The following RNF220 variants were observed in gnomAD, a reference collection of about 807,000 sequenced individuals.
RNF220 encodes E3 ubiquitin-protein ligase RNF220.
RNF220 carries 7 observed loss-of-function variants against 67.1 expected under a neutral mutation model. The ratio of observed to expected loss-of-function variants is 0.10; its 90% CI spans 0.06 to 0.20. RNF220 has a LOEUF of 0.20. RNF220 is among the 10% of genes least tolerant of loss of function. The pLI is 1.00. For synonymous variants in RNF220, 270 were observed against 283.2 expected (o/e 0.95, Z 0.47); for missense variants, 565 against 740.3 (o/e 0.76, Z 2.75).
intron 2 of RNF220, among the ~76,000 whole-genome samples, chr1:44,486,132 GA>G (rs1451986652): frequency 2.0e-5 from 3 of 152,086 alleles, no homozygotes; most frequent in African/African-American, 7.2e-5. Flanking sequence ...CAGTCTCCCA[GA>G]CCGTCTTCCT....
intron 2 of RNF220, among the ~76,000 whole-genome samples, chr1:44,469,781 C>T (rs998197162): frequency 3.8e-4 from 58 of 152,092 alleles, no homozygotes; most frequent in African/African-American, 1.4e-3. Flanking sequence ...GGCGTTTAGG[C>T]AACAGAGAGG....
chr1:44,537,238 A>G (rs757027970), intron 2 of RNF220, among the ~76,000 whole-genome samples: 9 of 152,130 alleles, frequency 5.9e-5, no homozygotes, highest in Non-Finnish European at 1.3e-4. Context: ...TCAGACCTCT[A>G]AACTTGATAG....
rs1557467419 is a variant in RNF220, at chr1:44,636,421, TGATGCA to T, written c.1126+260_1126+265del. 3 of 719,442 alleles carry T rather than the reference TGATGCA, an allele frequency of 4.2e-6. No homozygotes were observed. In the African/African-American group the frequency reaches 5.2e-5, roughly 13 times the overall value. 44.6% of individuals were successfully genotyped at this position (719,442 alleles called of 1,614,324 possible). ...ACGAAGGGGGGCTCTCAGCTTCGGG[TGATGCA>T]TTGAAGGTGACAGCCAAGCCGCGTT... On this transcript the variant is annotated intron_variant, in intron 8 of 14. Coordinates refer to ENST00000361799, the MANE Select transcript of RNF220 (RefSeq NM_018150.4).
chr1:44,482,571 A>T (rs1001788501), intron 2 of RNF220, among the ~76,000 whole-genome samples: 1 of 152,120 alleles, frequency 6.6e-6, no homozygotes, highest in Admixed American at 6.6e-5. Flanking sequence ...GTTCTAGGGG[A>T]TCTGAAATAG....
chr1:44,597,081 A>G (rs1209660861), intron 2 of RNF220, among the ~76,000 whole-genome samples: 1 of 152,176 alleles, frequency 6.6e-6, no homozygotes, highest in Non-Finnish European at 1.5e-5. Context: ...TTCCTGACCC[A>G]CATGCCAGAT....
intron 5 of RNF220, among the ~76,000 whole-genome samples, chr1:44,629,922 G>A (rs1333864133): frequency 6.6e-6 from 1 of 152,196 alleles, no homozygotes; most frequent in African/African-American, 2.4e-5. Context: ...GTTTGCTTTT[G>A]TTAGAAAGTA....
intron 2 of RNF220, among the ~76,000 whole-genome samples, chr1:44,574,379 T>C (rs1191332870): frequency 6.6e-6 from 1 of 152,176 alleles, no homozygotes; most frequent in Non-Finnish European, 1.5e-5. Flanking sequence ...TTTCTTACCA[T>C]TGAGAAAGTC....
chr1:44,511,906 C>CGTGTGTGCGTGTGT (rs1553234619), intron 2 of RNF220, among the ~76,000 whole-genome samples: 3 of 80,022 alleles, frequency 3.7e-5, no homozygotes, highest in African/African-American at 1.5e-4. Flanking sequence ...AATTGAGAAG[C>CGTGTGTGCGTGTGT]GTGTGTGTGC....
chr1:44,428,938 C>A (rs1007446862), intron 2 of RNF220, among the ~76,000 whole-genome samples: 27 of 151,916 alleles, frequency 1.8e-4, no homozygotes, highest in African/African-American at 6.3e-4. Flanking sequence ...ACCCTCCAAC[C>A]CACTCCTGCC....
chr1:44,459,669 C>T (rs766900572), intron 2 of RNF220, among the ~76,000 whole-genome samples: 6 of 152,152 alleles, frequency 3.9e-5, no homozygotes, highest in Non-Finnish European at 7.3e-5. Flanking sequence ...AGAGCAAGAG[C>T]TGGACTGAGA....
intron 2 of RNF220, among the ~76,000 whole-genome samples, chr1:44,557,228 CTGTT>C (rs1245802883): frequency 4.1e-5 from 6 of 145,756 alleles, no homozygotes; most frequent in African/African-American, 1.0e-4. Context: ...TTGATAGAAA[CTGTT>C]TGTGTTGGCT....
chr1:44,509,884 CCAAA>C (rs1182575377), intron 2 of RNF220, among the ~76,000 whole-genome samples: 11 of 80,402 alleles, frequency 1.4e-4, no homozygotes, highest in African/African-American at 4.2e-4. Context: ...GAGACCCTGT[CCAAA>C]AAAAAAAAAA....
At chr1:44,562,378 G>A (rs1663641973) in intron 2 of RNF220, among the ~76,000 whole-genome samples, 1 of 152,202 alleles carries the variant, frequency 6.6e-6, no homozygotes, top group South Asian at 2.1e-4. Context: ...GGGCCCGCTT[G>A]TGATGCTGAG....
chr1:44,543,912 G>T (rs112116184), intron 2 of RNF220, among the ~76,000 whole-genome samples: 1,541 of 152,290 alleles, frequency 0.01, 26 homozygotes, highest in African/African-American at 0.034. Flanking sequence ...CTGGGCAGTG[G>T]CGAGTGGTGG....
intron 2 of RNF220, among the ~76,000 whole-genome samples, chr1:44,459,430 T>C (rs946933786): frequency 4.6e-5 from 7 of 152,058 alleles, no homozygotes; most frequent in Non-Finnish European, 8.8e-5. Context: ...TACACACTTG[T>C]CCTCACACAG....
chr1:44,556,603 A>C (rs59301748), intron 2 of RNF220, among the ~76,000 whole-genome samples: 2,965 of 147,780 alleles, frequency 0.02, 139 homozygotes, highest in African/African-American at 0.073. Context: ...TCTGTCACCC[A>C]GGCTGGAGTG....
At chr1:44,534,374 G>T (rs1377593387) in intron 2 of RNF220, among the ~76,000 whole-genome samples, 1 of 151,796 alleles carries the variant, frequency 6.6e-6, no homozygotes, top group Non-Finnish European at 1.5e-5. Flanking sequence ...CGCACAGTGT[G>T]CAGGTTTGTT....
intron 2 of RNF220, among the ~76,000 whole-genome samples, chr1:44,518,299 C>T (rs1412167055): frequency 2.6e-5 from 4 of 152,020 alleles, no homozygotes; most frequent in Admixed American, 6.6e-5. Context: ...GTGGTGAGCA[C>T]GTTTAGGCCC....
intron 2 of RNF220, among the ~76,000 whole-genome samples, chr1:44,463,792 T>C (rs1379242687): frequency 6.6e-6 from 1 of 152,244 alleles, no homozygotes; most frequent in Non-Finnish European, 1.5e-5. Flanking sequence ...TGAGAGCCAC[T>C]CCCTTCTAAT....
Sources: allele counts gnomAD v4.1 joint callset (sites outside exome capture counted in the v4.1 genomes callset), GRCh38; gene constraint gnomAD v4.1.1; transcripts MANE v1.5; gene names NCBI Gene and HGNC (gene_info 2026-07-23, HGNC 2026-07-21).